DCAF8L2: variants seen among roughly 807,000 people sequenced by gnomAD.
The protein encoded by DCAF8L2 is DDB1 and CUL4 associated factor 8 like 2, also known as DDB1- and CUL4-associated factor 8-like protein 2.
For missense variants in DCAF8L2, 430 were observed against 490.7 expected (o/e 0.88, Z 1.17); for synonymous variants, 200 against 190.9 (o/e 1.05, Z -0.39).
the DCAF8L2 span, among the ~76,000 whole-genome samples, chrX:27,490,618 C>A: frequency 5.6e-4 from 62 of 110,087 alleles, no homozygotes; most frequent in African/African-American, 1.9e-3. Flanking sequence ...TCGGCCACCA[C>A]GCCTGGCTAA....
intron 4 of DCAF8L2, among the ~76,000 whole-genome samples, chrX:27,739,860 G>A (rs560526928): frequency 6.3e-5 from 7 of 111,012 alleles, no homozygotes; most frequent in South Asian, 7.7e-4. Flanking sequence ...TTACACATCC[G>A]GATTCCTTCT....
At chrX:27,516,414 A>G in the DCAF8L2 span, among the ~76,000 whole-genome samples, 2 of 110,399 alleles carry the variant, frequency 1.8e-5, no homozygotes, top group Non-Finnish European at 3.8e-5. Flanking sequence ...ATATCAAGGT[A>G]CAGACATTCT....
the DCAF8L2 span, among the ~76,000 whole-genome samples, chrX:27,472,505 C>T: frequency 9.0e-6 from 1 of 111,258 alleles, no homozygotes; most frequent in Non-Finnish European, 1.9e-5. Context: ...GGTATTAAAC[C>T]CCACATGCAT....
chrX:27,606,720 T>G (rs913840450), intron 1 of DCAF8L2, among the ~76,000 whole-genome samples: 17 of 110,544 alleles, frequency 1.5e-4, no homozygotes, highest in African/African-American at 5.3e-4. Context: ...TGTCACTTTC[T>G]TCCTTAAATT....
At chrX:27,512,791 A>ACAAG in the DCAF8L2 span, among the ~76,000 whole-genome samples, 1 of 85,735 alleles carries the variant, frequency 1.2e-5, no homozygotes, top group Admixed American at 1.3e-4. Flanking sequence ...AAAAAAAAAA[A>ACAAG]AAAAAAAAAA....
intron 3 of DCAF8L2, among the ~76,000 whole-genome samples, chrX:27,696,440 C>A (rs1396603867): frequency 9.0e-6 from 1 of 111,000 alleles, no homozygotes; most frequent in Non-Finnish European, 1.9e-5. Flanking sequence ...ATATGATACA[C>A]CTGTTCAGCT....
At chrX:27,636,260 A>G (rs891424702) in intron 2 of DCAF8L2, among the ~76,000 whole-genome samples, 8 of 112,083 alleles carry the variant, frequency 7.1e-5, no homozygotes, top group African/African-American at 2.3e-4. Context: ...TCATGGTCCA[A>G]TCTTCATGTT....
rs772891064 is a variant in DCAF8L2 at position 27,595,729 on chromosome X, C to T, written c.-342+5289C>T. 1.2e-4 allele frequency among the ~76,000 whole-genome samples: 13 copies of T among 111,960 alleles called. No individual in the cohort carries two copies. In the South Asian group the frequency reaches 4.8e-3, roughly 41 times the overall value. On this transcript the variant is annotated intron_variant, in intron 1 of 4. Coordinates refer to ENST00000451261, the MANE Select transcript of DCAF8L2 (RefSeq NM_001353450.2). ...CTGCTTTAAAAATGTTCCTTGAGGCCGAGTGCGGTGGCTCATGCCTGTAAT... is the reference window on the plus strand; with the variant it reads ...CTGCTTTAAAAATGTTCCTTGAGGCTGAGTGCGGTGGCTCATGCCTGTAAT...
the DCAF8L2 span, among the ~76,000 whole-genome samples, chrX:27,528,267 A>C: frequency 9.3e-6 from 1 of 107,284 alleles, no homozygotes; most frequent in South Asian, 3.9e-4. Context: ...TTTATTATTC[A>C]CCTTAGCATA....
chrX:27,479,066 C>G, the DCAF8L2 span, among the ~76,000 whole-genome samples: 14 of 111,453 alleles, frequency 1.3e-4, no homozygotes, highest in East Asian at 4.0e-3. Flanking sequence ...GTCTTTCTCT[C>G]TCTCTCTATG....
chrX:27,555,697 G>T, the DCAF8L2 span, among the ~76,000 whole-genome samples: 3 of 111,782 alleles, frequency 2.7e-5, no homozygotes, highest in Admixed American at 9.5e-5. Context: ...TCTCACTAGA[G>T]GTCGCTGTAG....
At chrX:27,478,022 G>A in the DCAF8L2 span, among the ~76,000 whole-genome samples, 3 of 111,238 alleles carry the variant, frequency 2.7e-5, no homozygotes, top group Non-Finnish European at 3.8e-5. Context: ...TCAATGAATC[G>A]TTAGTCTCAT....
intron 2 of DCAF8L2, among the ~76,000 whole-genome samples, chrX:27,669,404 T>G (rs1252535556): frequency 9.0e-6 from 1 of 110,715 alleles, no homozygotes; most frequent in East Asian, 2.8e-4. Context: ...GATTATTTAC[T>G]TACCCAGTTT....
the DCAF8L2 span, among the ~76,000 whole-genome samples, chrX:27,548,237 G>C: frequency 1.8e-5 from 2 of 110,922 alleles, no homozygotes; most frequent in African/African-American, 6.6e-5. Context: ...GCAATAAGTT[G>C]TGTAGAGGTC....
rs760812430 is a variant in DCAF8L2, at chrX:27,747,131, G to A, written c.236G>A (p.Ser79Asn). The A allele has an allele frequency of 1.7e-6, 2 of 1,167,934 alleles. No individual in the cohort carries two copies. Among genetic ancestry groups the A allele is most frequent in the East Asian group, 6.5e-5 (2 of 30,761 alleles). The part of the protein sequence containing the change: ...ENRSSDQESA[S>N]EDIELESLED... ...CGAAGCTCAGACCAAGAAAGCGCAA[G>A]TGAAGACATCGAACTTGAGAGCTTG... The change falls in exon 5 of 5, where the codon AGT (serine) becomes AAT (asparagine). Residue 79 changes from serine to asparagine, a missense_variant. By Grantham distance (46) the Ser-to-Asn change is conservative. Transcript: ENST00000451261.
intron 1 of DCAF8L2, among the ~76,000 whole-genome samples, chrX:27,591,450 TA>T (rs1926088655): frequency 9.0e-6 from 1 of 111,302 alleles, no homozygotes; most frequent in African/African-American, 3.3e-5. Flanking sequence ...TCTACATTTA[TA>T]AAAATAAGGC....
chrX:27,577,613 C>A, the DCAF8L2 span, among the ~76,000 whole-genome samples: 1 of 111,778 alleles, frequency 8.9e-6, no homozygotes, highest in Non-Finnish European at 1.9e-5. Flanking sequence ...GTCAAACTGT[C>A]TCTGCTTTTA....
intron 4 of DCAF8L2, among the ~76,000 whole-genome samples, chrX:27,740,000 A>T (rs1425060748): frequency 9.1e-6 from 1 of 109,586 alleles, no homozygotes; most frequent in Non-Finnish European, 1.9e-5. Context: ...GTCACGCCAG[A>T]CTCTCCACAC....
intron 1 of DCAF8L2, among the ~76,000 whole-genome samples, chrX:27,615,073 A>G (rs1392131233): frequency 1.8e-5 from 2 of 108,417 alleles, no homozygotes; most frequent in Non-Finnish European, 3.8e-5. Context: ...GCTAGATCCA[A>G]TGATGCTAGA....
Sources: allele counts gnomAD v4.1 joint callset (sites outside exome capture counted in the v4.1 genomes callset), GRCh38; gene constraint gnomAD v4.1.1; transcripts MANE v1.5; gene names NCBI Gene and HGNC (gene_info 2026-07-23, HGNC 2026-07-21).